PRKN: variants seen among roughly 807,000 people sequenced by gnomAD.
The protein encoded by PRKN is parkin RBR E3 ubiquitin protein ligase.
Under a neutral mutation model 59.5 loss-of-function variants are expected in PRKN, and 56 were observed. That is an observed-to-expected ratio of 0.94 (90% CI 0.76 to 1.18). The LOEUF is 1.18. PRKN is among the 50% of genes most tolerant of loss of function. The pLI, the probability that PRKN is intolerant of heterozygous loss-of-function variation, is 0.00. For synonymous variants in PRKN, 250 were observed against 222.1 expected, an observed-to-expected ratio of 1.13 and a Z score of -1.12; for missense variants, 657 against 596.4, an observed-to-expected ratio of 1.10 and a Z score of -1.06.
At chr6:161,890,657 C>T (rs922974735) in intron 6 of PRKN, among the ~76,000 whole-genome samples, 2 of 152,194 alleles carry the variant, frequency 1.3e-5, no homozygotes, top group Admixed American at 6.5e-5. Flanking sequence ...GTGAACATAA[C>T]ACTCTGTCAG....
intron 1 of PRKN, among the ~76,000 whole-genome samples, chr6:162,582,754 C>T (rs1254264854): frequency 6.6e-6 from 1 of 152,184 alleles, no homozygotes; most frequent in Non-Finnish European, 1.5e-5. Context: ...CTCTAAAAAA[C>T]TTATTGGCTG....
At chr6:161,737,191 G>A (rs1787999191) in intron 7 of PRKN, among the ~76,000 whole-genome samples, 2 of 152,222 alleles carry the variant, frequency 1.3e-5, no homozygotes, top group Admixed American at 1.3e-4. Flanking sequence ...GCGAGGTCCA[G>A]GCACACCTGG....
At chr6:161,365,375 G>A (rs1210619512) in intron 10 of PRKN, among the ~76,000 whole-genome samples, 1 of 152,154 alleles carries the variant, frequency 6.6e-6, no homozygotes, top group Non-Finnish European at 1.5e-5. Context: ...TCAGGTGTGT[G>A]CACACCTAAA....
intron 2 of PRKN, among the ~76,000 whole-genome samples, chr6:162,428,150 T>C (rs886560359): frequency 6.6e-6 from 1 of 152,196 alleles, no homozygotes; most frequent in African/African-American, 2.4e-5. Flanking sequence ...GTAATGGAAA[T>C]CTGACTTGCA....
At chr6:162,667,628 T>C (rs373602213) in intron 1 of PRKN, among the ~76,000 whole-genome samples, 5 of 152,248 alleles carry the variant, frequency 3.3e-5, no homozygotes, top group South Asian at 2.1e-4. Flanking sequence ...ATTTAAAATA[T>C]CTATCGCAAA....
At chr6:162,105,660 A>G (rs1451553363) in intron 4 of PRKN, among the ~76,000 whole-genome samples, 1 of 152,218 alleles carries the variant, frequency 6.6e-6, no homozygotes, top group Non-Finnish European at 1.5e-5. Flanking sequence ...TTGGTCTCCC[A>G]AAGTGCTGGG....
At chr6:162,293,413 T>C (rs2128110090) in intron 2 of PRKN, among the ~76,000 whole-genome samples, 1 of 152,332 alleles carries the variant, frequency 6.6e-6, no homozygotes, top group African/African-American at 2.4e-5. Context: ...GATTTGGAAT[T>C]CTAAATCCAT....
chr6:162,090,522 C>T (rs888018097), intron 4 of PRKN, among the ~76,000 whole-genome samples: 2 of 152,118 alleles, frequency 1.3e-5, no homozygotes, highest in African/African-American at 2.4e-5. Flanking sequence ...ATCCATTGAA[C>T]TAAATACAGA....
At chr6:162,137,573 G>T (rs1055948767) in intron 4 of PRKN, among the ~76,000 whole-genome samples, 23 of 152,318 alleles carry the variant, frequency 1.5e-4, no homozygotes, top group African/African-American at 5.5e-4. Context: ...GAACAGAAAT[G>T]TATTGGCTCA....
chr6:161,627,185 C>T (rs1352584007), intron 7 of PRKN, among the ~76,000 whole-genome samples: 8 of 152,132 alleles, frequency 5.3e-5, no homozygotes, highest in Non-Finnish European at 1.2e-4. Context: ...AACAGAGGGC[C>T]CCGACTGCCT....
chr6:162,357,767 A>G (rs978750560), intron 2 of PRKN, among the ~76,000 whole-genome samples: 2 of 152,204 alleles, frequency 1.3e-5, no homozygotes, highest in Admixed American at 6.5e-5. Flanking sequence ...AATAGATATG[A>G]AGGAAATTTA....
intron 1 of PRKN, among the ~76,000 whole-genome samples, chr6:162,491,330 A>G (rs1307148292): frequency 6.6e-6 from 1 of 151,982 alleles, no homozygotes; most frequent in Non-Finnish European, 1.5e-5. Context: ...TGTAGGGTGT[A>G]AACAACAAAT....
At position 161,356,759 on chromosome 6, in the gene PRKN, G is replaced by C. The variant is rs1784773366; in HGVS notation, c.1285+3329C>G. 6.6e-6 allele frequency among the ~76,000 whole-genome samples: 1 copy of C among 152,174 alleles called. No individual in the cohort carries two copies. The highest frequency in any genetic ancestry group is 2.4e-5 in the African/African-American group (1 of 41,438). On this transcript the variant is annotated intron_variant, in intron 11 of 11. Transcript: ENST00000366898. This position sits in a 1 kb window ranked among gnomAD's most constrained non-coding sequence, Gnocchi z 7.8. The stretch of plus-strand genomic sequence containing the variant: ...TAGAGGAAAAGGTTTTCTAGGAGCA[G>C]CTAGCACTCTGCTTTGTGAAATTTG...
intron 7 of PRKN, among the ~76,000 whole-genome samples, chr6:161,640,288 G>A (rs557632471): frequency 4.6e-5 from 7 of 152,144 alleles, no homozygotes; most frequent in South Asian, 4.1e-4. Flanking sequence ...GCTATTATAC[G>A]TCTTAAAAAC....
At position 162,403,871 on chromosome 6, in the gene PRKN, T is replaced by C. The variant is rs946720606; in HGVS notation, c.171+39439A>G. 1.1e-4 allele frequency among the ~76,000 whole-genome samples: 17 copies of C among 152,290 alleles called. No individual in the cohort carries two copies. The East Asian group carries it at 3.3e-3, about 29-fold the overall frequency. Reference sequence around the variant, plus strand: ...GAAATGGGTCCAGGTGGCTCACTTATCATCATTAAAAAGCTATGCAAGTTT... The same window carrying C: ...GAAATGGGTCCAGGTGGCTCACTTACCATCATTAAAAAGCTATGCAAGTTT... On this transcript the variant is annotated intron_variant, in intron 2 of 11. Coordinates refer to ENST00000366898, the MANE Select transcript of PRKN (RefSeq NM_004562.3).
chr6:161,716,383 A>C (rs1786978585), intron 7 of PRKN, among the ~76,000 whole-genome samples: 1 of 151,978 alleles, frequency 6.6e-6, no homozygotes, highest in Non-Finnish European at 1.5e-5. Flanking sequence ...TTTCCCCCTA[A>C]ATGTATAGAA....
At chr6:162,030,127 A>G (rs1582922964) in intron 5 of PRKN, among the ~76,000 whole-genome samples, 1 of 152,136 alleles carries the variant, frequency 6.6e-6, no homozygotes, top group South Asian at 2.1e-4. Context: ...GGCGAGAACC[A>G]CCGTGCCCAG....
At chr6:161,427,426 C>T (rs1326371719) in intron 9 of PRKN, among the ~76,000 whole-genome samples, 1 of 152,126 alleles carries the variant, frequency 6.6e-6, no homozygotes, top group Non-Finnish European at 1.5e-5. Context: ...GAATAACTTA[C>T]TCAAGCCCAC....
intron 1 of PRKN, among the ~76,000 whole-genome samples, chr6:162,598,229 T>C (rs1781564407): frequency 1.3e-5 from 2 of 152,222 alleles, no homozygotes; most frequent in Admixed American, 1.3e-4. Context: ...GTAACAAATA[T>C]ATGGGCCCCT....
Sources: gnomAD v4.1 joint callset for allele counts (sites outside exome capture counted in the v4.1 genomes callset) on GRCh38, gnomAD v4.1.1 for gene constraint, Gnocchi (gnomAD v3.1) non-coding constraint, MANE v1.5 for transcripts, NCBI Gene and HGNC (gene_info 2026-07-23, HGNC 2026-07-21) for gene names.